The following DIO1 variants were observed in gnomAD, a reference collection of about 807,000 sequenced individuals.
DIO1 encodes the protein type I iodothyronine deiodinase.
A neutral mutation model predicts 25.9 loss-of-function variants in DIO1; 17 were observed. The ratio of observed to expected loss-of-function variants is 0.66; its 90% CI spans 0.45 to 0.98. DIO1 has a LOEUF of 0.98. Among genes scored for constraint, DIO1 ranks in the 50% least tolerant of loss-of-function variants. The pLI is 0.00. For synonymous variants in DIO1, 115 were observed against 114.0 expected (o/e 1.01, Z -0.05); for missense variants, 270 against 310.4 (o/e 0.87, Z 0.98).
chr1:53,902,879 G>A (rs1270803205), intron 1 of DIO1, among the ~76,000 whole-genome samples: 3 of 151,938 alleles, frequency 2.0e-5, no homozygotes, highest in African/African-American at 7.3e-5. Context: ...GAGTTGTAAA[G>A]TATGTCTTGA....
In DIO1 at chr1:53,905,083, T is replaced by A. The variant is rs147720080; in HGVS notation, c.481+274T>A. Among the ~76,000 whole-genome samples, 614 of 151,830 alleles carry A rather than the reference T, an allele frequency of 4.0e-3. 4 individuals are homozygous for A. The highest frequency in any genetic ancestry group is 0.014 in the African/African-American group (580 of 41,364). ...CATTTTGATCGGATAAATAGGGAAG[T>A]CAAGGGAGAAGAACTGATTTGAACA... On this transcript the variant is annotated intron_variant, in intron 2 of 3. Coordinates refer to ENST00000361921, the MANE Select transcript of DIO1 (RefSeq NM_000792.7).
chr1:53,903,849 A>G (rs1651505393), intron 1 of DIO1, among the ~76,000 whole-genome samples: 2 of 151,950 alleles, frequency 1.3e-5, no homozygotes, highest in Non-Finnish European at 2.9e-5. Context: ...TCAAAAAAAT[A>G]AAAAAGAAAC....
intron 1 of DIO1, among the ~76,000 whole-genome samples, chr1:53,900,801 C>G (rs1312235510): frequency 1.3e-5 from 2 of 151,834 alleles, no homozygotes; most frequent in Non-Finnish European, 2.9e-5. Flanking sequence ...CTAGCTAGCC[C>G]AGGCGCCCAT....
intron 1 of DIO1, among the ~76,000 whole-genome samples, chr1:53,904,016 C>G (rs1651514590): frequency 6.7e-6 from 1 of 149,384 alleles, no homozygotes; most frequent in Non-Finnish European, 1.5e-5. Flanking sequence ...CTCCCTACTT[C>G]ATAGCTCAGG....
At chr1:53,907,729 T>C (rs888690758) in intron 3 of DIO1, among the ~76,000 whole-genome samples, 1 of 150,844 alleles carries the variant, frequency 6.6e-6, no homozygotes, top group African/African-American at 2.4e-5. Context: ...CTGACCAACA[T>C]AGTGAAACCC....
chr1:53,909,888 A>T, intron 3 of DIO1, 43 bp from the exon 4 acceptor site: 1 of 1,599,812 alleles, frequency 6.3e-7, no homozygotes, highest in Middle Eastern at 1.7e-4. Context: ...TACAACTTGG[A>T]AATCCTTACA....
Position 53,894,895 on chromosome 1 carries a change from G to A in DIO1, c.337+348G>A, listed in dbSNP as rs183140535. 2.6e-3 allele frequency among the ~76,000 whole-genome samples: 389 copies of A among 152,222 alleles called. 2 individuals carry two copies. Among genetic ancestry groups the A allele is most frequent in the African/African-American group, 8.7e-3 (363 of 41,510 alleles). On this transcript the variant is annotated intron_variant, in intron 1 of 3. Transcript: ENST00000361921. This position sits in a 1 kb window ranked among gnomAD's most constrained non-coding sequence, Gnocchi z 4.9. ...ACTGTTGCTCAATGACGCTTCTTTC[G>A]AGAAGCCAAGCCCAACTCTCCCATA...
chr1:53,904,957 C>CGGAG, intron 2 of DIO1, 148 bp downstream of exon 2: 5 of 811,860 alleles, frequency 6.2e-6, no homozygotes, highest in Non-Finnish European at 9.6e-6. Flanking sequence ...CCCACCACTC[C>CGGAG]CAGGCCCTGC....
chr1:53,906,167 A>C lies in DIO1; in HGVS notation c.554A>C (p.His185Pro). ...QNLQDRLQAA[H>P]LLLARSPQCP... ...CTTCAGGATCGCCTGCAGGCAGCCC[A>C]TCTACTGCTGGCCAGGAGCCCCCAG... The change falls in exon 3 of 4, where the codon CAT (histidine) becomes CCT (proline). Residue 185 changes from histidine to proline, a missense_variant. His to Pro is a moderately conservative substitution (Grantham distance 77). Coordinates refer to ENST00000361921, the MANE Select transcript of DIO1 (RefSeq NM_000792.7). The C allele has an allele frequency of 6.2e-7, 1 of 1,614,224 alleles. No homozygotes were observed. Among genetic ancestry groups the C allele is most frequent in the Non-Finnish European group, 8.5e-7 (1 of 1,180,042 alleles).
intron 1 of DIO1, among the ~76,000 whole-genome samples, chr1:53,902,468 T>C (rs534490909): frequency 6.6e-6 from 1 of 151,826 alleles, no homozygotes; most frequent in Non-Finnish European, 1.5e-5. Context: ...GAATAAATAT[T>C]TGTAGATAGG....
At chr1:53,905,706 T>C (rs1651619023) in intron 2 of DIO1, among the ~76,000 whole-genome samples, 1 of 152,186 alleles carries the variant, frequency 6.6e-6, no homozygotes, top group Admixed American at 6.5e-5. Flanking sequence ...ATCTAAACCC[T>C]TGCCTCTCCA....
In DIO1 at chr1:53,900,982, C is replaced by CTTTTTTT. The variant is rs71063891; in HGVS notation, c.338-3661_338-3655dup. ...GGCACACCCTACCAGGGCCAGCTAA[C>CTTTTTTT]TTTTTTTTTTTTTTTTTTTTTTTTT... On this transcript the variant is annotated intron_variant, in intron 1 of 3. Transcript: ENST00000361921. Among the ~76,000 whole-genome samples the CTTTTTTT allele has an allele frequency of 6.9e-5, 5 of 72,106 alleles. 1 individual carries two copies. Among genetic ancestry groups the CTTTTTTT allele is most frequent in the Non-Finnish European group, 1.2e-4 (5 of 40,794 alleles). The allele number at this position is 72,106 out of a possible 152,430, so 47.3% of individuals were successfully genotyped here.
chr1:53,905,356 G>A (rs1422953127), intron 2 of DIO1, among the ~76,000 whole-genome samples: 2 of 151,666 alleles, frequency 1.3e-5, no homozygotes, highest in African/African-American at 4.8e-5. Context: ...TGTATTTTTT[G>A]TAGAAACAGA....
Position 53,910,237 on chromosome 1 carries a change from T to C in DIO1, c.*238T>C. On this transcript the variant is annotated 3_prime_UTR_variant, in exon 4 of 4. Coordinates refer to ENST00000361921, the MANE Select transcript of DIO1 (RefSeq NM_000792.7). ...ACTTGAGCTGTTCAGGCCAGTTCCC[T>C]GTTGAAGAAACAGTTCCCTGTTGAA... 2.0e-6 allele frequency: 1 copy of C among 511,958 alleles called. No homozygotes were observed. Among genetic ancestry groups the C allele is most frequent in the Non-Finnish European group, 3.5e-6 (1 of 282,518 alleles). The allele number at this position is 511,958 out of a possible 1,614,324, so 31.7% of individuals were successfully genotyped here.
At chr1:53,899,395 C>T (rs1426382083) in intron 1 of DIO1, among the ~76,000 whole-genome samples, 4 of 152,188 alleles carry the variant, frequency 2.6e-5, no homozygotes, top group African/African-American at 9.7e-5. Context: ...ACTGGATTCT[C>T]GAAATGGTGT....
intron 1 of DIO1, among the ~76,000 whole-genome samples, chr1:53,902,804 T>C (rs1029509646): frequency 6.6e-6 from 1 of 151,816 alleles, no homozygotes; most frequent in African/African-American, 2.4e-5. Flanking sequence ...GCCTTGTCCT[T>C]GGGATTTAAT....
At chr1:53,895,856 C>T (rs1651046088) in intron 1 of DIO1, among the ~76,000 whole-genome samples, 1 of 152,170 alleles carries the variant, frequency 6.6e-6, no homozygotes, top group South Asian at 2.1e-4. Flanking sequence ...GTCAAGAATG[C>T]CCTTCCCCTC....
intron 1 of DIO1, among the ~76,000 whole-genome samples, chr1:53,898,744 C>CAAAAAAAAAAAA (rs60469690): frequency 6.6e-5 from 7 of 106,606 alleles, no homozygotes; most frequent in East Asian, 2.6e-4. Flanking sequence ...GACTCTGTCT[C>CAAAAAAAAAAAA]AAAAAAAAAA....
chr1:53,900,924 C>G (rs984783314), intron 1 of DIO1, among the ~76,000 whole-genome samples: 1 of 151,438 alleles, frequency 6.6e-6, no homozygotes, highest in Non-Finnish European at 1.5e-5. Context: ...AATGGACGCT[C>G]CAGCCTCAGC....
Sources: gnomAD v4.1 joint callset for allele counts (sites outside exome capture counted in the v4.1 genomes callset) on GRCh38, gnomAD v4.1.1 for gene constraint, Gnocchi (gnomAD v3.1) non-coding constraint, MANE v1.5 for transcripts, NCBI Gene and HGNC (gene_info 2026-07-23, HGNC 2026-07-21) for gene names.